EBF2: variants seen among roughly 807,000 people sequenced by gnomAD.
The protein encoded by EBF2 is EBF transcription factor 2, also known as transcription factor COE2.
A neutral mutation model predicts 72.8 loss-of-function variants in EBF2; 21 were observed. That is an observed-to-expected ratio of 0.29 (90% CI 0.20 to 0.42). The LOEUF is 0.42. EBF2 is among the 10% of genes least tolerant of loss of function. The probability of loss-of-function intolerance (pLI) is 1.00; values close to 1 mark genes in which losing one functional copy is unlikely to be tolerated. For synonymous variants in EBF2, 299 were observed against 274.2 expected, an observed-to-expected ratio of 1.09 and a Z score of -0.89; for missense variants, 637 against 731.2, an observed-to-expected ratio of 0.87 and a Z score of 1.49.
intron 10 of EBF2, among the ~76,000 whole-genome samples, chr8:25,881,724 G>T (rs1399518297): frequency 6.6e-6 from 1 of 152,140 alleles, no homozygotes; most frequent in African/African-American, 2.4e-5. Context: ...AGACCACCCT[G>T]GCCTGTCATG....
chr8:25,931,744 T>C (rs1803484088), intron 6 of EBF2, among the ~76,000 whole-genome samples: 1 of 152,186 alleles, frequency 6.6e-6, no homozygotes, highest in Non-Finnish European at 1.5e-5. Context: ...TTGGGGGAAA[T>C]GTAGATCTTC....
In EBF2 at chr8:25,861,381, A is replaced by T; in HGVS notation, c.1099-7T>A. 2.5e-6 allele frequency: 4 copies of T among 1,614,200 alleles called. No individual in the cohort carries two copies. Among genetic ancestry groups the T allele is most frequent in the Non-Finnish European group, 3.4e-6 (4 of 1,180,034 alleles). Reference sequence around the variant, plus strand: ...CTCTTTTCAACAGCATCTCCTGGAAAATAAGCGAGGATGGGATATTGTCAA... The same window carrying T: ...CTCTTTTCAACAGCATCTCCTGGAATATAAGCGAGGATGGGATATTGTCAA... On this transcript the variant is annotated splice_region_variant and splice_polypyrimidine_tract_variant and intron_variant, in intron 11 of 15. Transcript: ENST00000520164.
At chr8:25,877,685 A>T (rs1563385772) in intron 10 of EBF2, among the ~76,000 whole-genome samples, 1 of 152,038 alleles carries the variant, frequency 6.6e-6, no homozygotes. Context: ...GTGCAGTGGG[A>T]CAGGGGTGGA....
chr8:25,910,108 C>G (rs951312587), intron 6 of EBF2, among the ~76,000 whole-genome samples: 4 of 152,090 alleles, frequency 2.6e-5, no homozygotes, highest in Admixed American at 1.3e-4. Context: ...CACAACCTGC[C>G]GCTGCTTTCT....
intron 6 of EBF2, among the ~76,000 whole-genome samples, chr8:25,952,287 T>C (rs1166230106): frequency 6.6e-6 from 1 of 152,196 alleles, no homozygotes; most frequent in East Asian, 1.9e-4. Context: ...AGAGCAAGAC[T>C]CTAGTATGTT....
At chr8:25,928,992 C>T (rs1803437103) in intron 6 of EBF2, among the ~76,000 whole-genome samples, 1 of 152,086 alleles carries the variant, frequency 6.6e-6, no homozygotes, top group African/African-American at 2.4e-5. Flanking sequence ...TGAGATGCCT[C>T]TATCTCCACA....
At chr8:25,965,303 G>A (rs1375124630) in intron 6 of EBF2, among the ~76,000 whole-genome samples, 1 of 152,066 alleles carries the variant, frequency 6.6e-6, no homozygotes, top group Non-Finnish European at 1.5e-5. Context: ...TAACGATTTT[G>A]TGTAACATAT....
At chr8:25,935,230 G>A (rs2117150399) in intron 6 of EBF2, among the ~76,000 whole-genome samples, 1 of 152,154 alleles carries the variant, frequency 6.6e-6, no homozygotes, top group East Asian at 1.9e-4. Context: ...GCCAAATACA[G>A]TTAAGGATGG....
chr8:26,013,404 T>C (rs1170318739), intron 6 of EBF2, among the ~76,000 whole-genome samples: 1 of 152,168 alleles, frequency 6.6e-6, no homozygotes, highest in African/African-American at 2.4e-5. Flanking sequence ...TAACTAATAC[T>C]TGCTGGGTGC....
At chr8:26,034,136 T>A (rs1247282440) in intron 5 of EBF2, among the ~76,000 whole-genome samples, 2 of 152,246 alleles carry the variant, frequency 1.3e-5, no homozygotes, top group African/African-American at 2.4e-5. Context: ...CTTATTTACA[T>A]AACATCTTTC....
chr8:26,033,817 A>G (rs938624534), intron 5 of EBF2, among the ~76,000 whole-genome samples: 2 of 152,198 alleles, frequency 1.3e-5, no homozygotes, highest in Non-Finnish European at 2.9e-5. Context: ...ACTTGAGGGC[A>G]GGATTTATGA....
At chr8:25,853,187 T>C (rs1334289836) in intron 14 of EBF2, among the ~76,000 whole-genome samples, 1 of 152,144 alleles carries the variant, frequency 6.6e-6, no homozygotes, top group East Asian at 1.9e-4. Context: ...CTAGTAGAGC[T>C]GTTAGGATGG....
chr8:25,851,396 T>A (rs1801968808), intron 14 of EBF2, among the ~76,000 whole-genome samples: 1 of 111,922 alleles, frequency 8.9e-6, no homozygotes, highest in South Asian at 2.8e-4. Context: ...ACATAATGTT[T>A]AGAAAAAACA....
At chr8:26,028,842 G>T (rs930572475) in intron 6 of EBF2, among the ~76,000 whole-genome samples, 36 of 152,236 alleles carry the variant, frequency 2.4e-4, no homozygotes, top group African/African-American at 6.7e-4. Flanking sequence ...CTGTTTTGTG[G>T]TTTTTTCCCC....
intron 6 of EBF2, among the ~76,000 whole-genome samples, chr8:25,936,649 TC>T (rs1344184605): frequency 6.6e-6 from 1 of 152,220 alleles, no homozygotes; most frequent in African/African-American, 2.4e-5. Context: ...TAGAACTAGA[TC>T]TCTGTTCTCT....
rs140421284 is a variant in EBF2 at position 25,851,876 on chromosome 8, C to T, written c.1529-1115G>A. 6.7e-3 allele frequency among the ~76,000 whole-genome samples: 1,018 copies of T among 152,266 alleles called. 12 individuals are homozygous for T. The highest frequency in any genetic ancestry group is 0.023 in the African/African-American group (974 of 41,554). ...ACTGAAGGTCAAATGTTCTGATGTC[C>T]ATGGACAACTCCACCCTCATTTCCC... On this transcript the variant is annotated intron_variant, in intron 14 of 15. Transcript: ENST00000520164.
intron 7 of EBF2, among the ~76,000 whole-genome samples, chr8:25,890,502 G>A (rs1381994721): frequency 6.6e-6 from 1 of 152,218 alleles, no homozygotes; most frequent in Non-Finnish European, 1.5e-5. Context: ...TGGGTTTGGA[G>A]TCAGGGAGAG....
chr8:25,889,989 G>A (rs1802751947), intron 7 of EBF2, 120 bp from the exon 8 acceptor site: 1 of 799,392 alleles, frequency 1.3e-6, no homozygotes, highest in African/African-American at 1.7e-5. Flanking sequence ...AGATGGGACA[G>A]AACTTGGGAC....
chr8:26,036,326 A>G (rs1400222005), intron 5 of EBF2, among the ~76,000 whole-genome samples: 1 of 152,138 alleles, frequency 6.6e-6, no homozygotes, highest in East Asian at 1.9e-4. Context: ...AGAAAAATGC[A>G]GATAAACTTT....
Sources: gnomAD v4.1 joint callset for allele counts (sites outside exome capture counted in the v4.1 genomes callset) on GRCh38, gnomAD v4.1.1 for gene constraint, MANE v1.5 for transcripts, NCBI Gene and HGNC (gene_info 2026-07-23, HGNC 2026-07-21) for gene names.